Variants in CAPN2 observed in about 807,000 individuals in gnomAD.
CAPN2 encodes the protein calpain 2, also known as calpain-2 catalytic subunit.
Under a neutral mutation model 102.3 loss-of-function variants are expected in CAPN2, and 92 were observed. The ratio of observed to expected loss-of-function variants is 0.90; its 90% confidence interval spans 0.76 to 1.07. CAPN2 has a LOEUF of 1.07. Ranked by LOEUF, CAPN2 falls within the 50% of genes least tolerant of loss-of-function variation. CAPN2 has a pLI of 0.00. For missense variants in CAPN2, 800 were observed against 909.4 expected (o/e 0.88, Z 1.55); for synonymous variants, 340 against 355.4 (o/e 0.96, Z 0.49).
Position 223,727,051 on chromosome 1 carries a change from C to T in CAPN2, c.307+9220C>T, listed in dbSNP as rs1190708202. Reference sequence around the variant, plus strand: ...CCCACAGCTGCCTGAAAATGTGGCTCTCCGCCTTCTTGGGCTGCCTAGGAC... The same window carrying T: ...CCCACAGCTGCCTGAAAATGTGGCTTTCCGCCTTCTTGGGCTGCCTAGGAC... On this transcript the variant is annotated intron_variant, in intron 2 of 20. Coordinates refer to ENST00000295006, the MANE Select transcript of CAPN2 (RefSeq NM_001748.5). The surrounding 1 kb of genome is among the most constrained non-coding windows in gnomAD (Gnocchi z 4.1). 1.3e-5 allele frequency among the ~76,000 whole-genome samples: 2 copies of T among 152,200 alleles called. No homozygotes were observed. The highest frequency in any genetic ancestry group is 3.9e-4 in the East Asian group (2 of 5,188).
chr1:223,749,642 T>C (rs1161255908), intron 6 of CAPN2, among the ~76,000 whole-genome samples: 1 of 152,196 alleles, frequency 6.6e-6, no homozygotes, highest in East Asian at 1.9e-4. Context: ...CAAGTTAATA[T>C]ATGTAAAGTG....
intron 2 of CAPN2, among the ~76,000 whole-genome samples, chr1:223,736,334 G>C (rs908440472): frequency 6.6e-6 from 1 of 152,184 alleles, no homozygotes; most frequent in African/African-American, 2.4e-5. Context: ...AACCCCAGGA[G>C]GATGGCATCG....
In CAPN2 at chr1:223,772,189, A is replaced by C. The variant is rs2230082; in HGVS notation, c.2029A>C (p.Lys677Gln). The change falls in exon 20 of 21, where the codon AAG becomes CAG. Residue 677 changes from lysine to glutamine, a missense_variant. By Grantham distance (53) the Lys-to-Gln change is moderately conservative. Transcript: ENST00000295006. ...TTTTTCTCCCTCCACAGAGATATTTAAGCAGCTGGATCCCGAGAATACTGG... is the reference window on the plus strand; with the variant it reads ...TTTTTCTCCCTCCACAGAGATATTTCAGCAGCTGGATCCCGAGAATACTGG... ...VRLETLFKIF[K>Q]QLDPENTGTI... 6,447 of 1,613,984 alleles carry C rather than the reference A, an allele frequency of 4.0e-3. 206 individuals are homozygous for C. In the African/African-American group the frequency reaches 0.075, roughly 19 times the overall value.
rs1659625674 is a variant in CAPN2 at position 223,707,075 on chromosome 1, A to C, written c.3+5244A>C. 2.2e-5 allele frequency among the ~76,000 whole-genome samples: 3 copies of C among 135,922 alleles called. No individual in the cohort carries two copies. The South Asian group carries it at 7.3e-4, about 33-fold the overall frequency. 89.2% of individuals were successfully genotyped at this position (135,922 alleles called of 152,430 possible). ...AGCCTGGGTGACAGAGTGAGACTCC[A>C]CCTCAAAAAAAAAAAAAAAAAAATC... On this transcript the variant is annotated intron_variant, in intron 1 of 20. Coordinates refer to the CAPN2 transcript ENST00000433674.
At position 223,745,455 on chromosome 1, in the gene CAPN2, C is replaced by A. The variant is rs954992105; in HGVS notation, c.560+16C>A. 1.2e-6 allele frequency: 2 copies of A among 1,613,908 alleles called. No individual in the cohort carries two copies. Among genetic ancestry groups the A allele is most frequent in the African/African-American group, 2.7e-5 (2 of 74,934 alleles). The stretch of plus-strand genomic sequence containing the variant: ...CATACGCCAAGTAAGTTGCCATCCT[C>A]CCCTGGCCCCATGGCCTTCCCCCAA... On this transcript the variant is annotated intron_variant, in intron 4 of 20. Coordinates refer to ENST00000295006, the MANE Select transcript of CAPN2 (RefSeq NM_001748.5).
At chr1:223,712,528 G>C, upstream of CAPN2, 1 of 1,230,364 alleles carries the variant, frequency 8.1e-7, no homozygotes, top group African/African-American at 1.6e-5. Context: ...GCTCGCAGCG[G>C]CGGCGCCCGC....
At chr1:223,713,730 C>T (rs1465793096) in intron 1 of CAPN2, among the ~76,000 whole-genome samples, 3 of 152,224 alleles carry the variant, frequency 2.0e-5, no homozygotes, top group Admixed American at 2.0e-4. Context: ...GCTTCCAGCT[C>T]TGCTTCCACA....
chr1:223,763,047 C>T (rs891882355), intron 14 of CAPN2, among the ~76,000 whole-genome samples: 4 of 151,672 alleles, frequency 2.6e-5, no homozygotes, highest in Non-Finnish European at 5.9e-5. Flanking sequence ...GGTCTTAAAC[C>T]CCTGAGCTCA....
intron 2 of CAPN2, among the ~76,000 whole-genome samples, chr1:223,737,395 T>G (rs919379840): frequency 1.3e-5 from 2 of 152,034 alleles, no homozygotes; most frequent in Non-Finnish European, 2.9e-5. Context: ...CTGCCGTTAG[T>G]AATAAACATG....
At chr1:223,706,281 C>A (rs1412945130) in intron 1 of CAPN2, among the ~76,000 whole-genome samples, 2 of 152,172 alleles carry the variant, frequency 1.3e-5, no homozygotes, top group Non-Finnish European at 2.9e-5. Context: ...GGAATCCCTC[C>A]AGAAGCCCCC....
chr1:223,742,778 C>T (rs1357368115), intron 2 of CAPN2, among the ~76,000 whole-genome samples: 3 of 152,124 alleles, frequency 2.0e-5, no homozygotes, highest in African/African-American at 7.2e-5. Flanking sequence ...ACCTTGGCCT[C>T]CCAAAGTGTT....
At chr1:223,741,436 A>AATAATG (rs1553254330) in intron 2 of CAPN2, among the ~76,000 whole-genome samples, 1 of 124,278 alleles carries the variant, frequency 8.0e-6, no homozygotes, top group Non-Finnish European at 1.5e-5. Context: ...TATATATATA[A>AATAATG]TGTGTATATA....
At position 223,756,564 on chromosome 1, in the gene CAPN2, G is replaced by C. The variant is rs1483580845; in HGVS notation, c.1306-805G>C. On this transcript the variant is annotated intron_variant, in intron 10 of 20. Coordinates refer to ENST00000295006, the MANE Select transcript of CAPN2 (RefSeq NM_001748.5). This position sits in a 1 kb window ranked among gnomAD's most constrained non-coding sequence, Gnocchi z 4.1. ...TCAGAGCTTCCACCCTCTCCCAAGA[G>C]CCAGTTTCCCAGCACACCCCTGGGA... is the stretch of plus-strand genomic sequence containing the variant. Among the ~76,000 whole-genome samples, 1 of 152,164 alleles carries C rather than the reference G, an allele frequency of 6.6e-6. No individual in the cohort carries two copies. Among genetic ancestry groups the C allele is most frequent in the Non-Finnish European group, 1.5e-5 (1 of 68,034 alleles).
chr1:223,718,426 G>A (rs1659940640), intron 2 of CAPN2, among the ~76,000 whole-genome samples: 1 of 152,226 alleles, frequency 6.6e-6, no homozygotes, highest in African/African-American at 2.4e-5. Context: ...CTTGCTTTCT[G>A]GAGCCGAGTT....
rs937768042 is a variant in CAPN2 at position 223,712,958 on chromosome 1, C to T, written c.237+81C>T. ...CAGGCCGGCCCGCGGCGCGCTGGGG[C>T]GGGGGGCAGCCCGGGTGCTGCAGTG... is the stretch of plus-strand genomic sequence containing the variant. On this transcript the variant is annotated intron_variant, in intron 1 of 20. Coordinates refer to ENST00000295006, the MANE Select transcript of CAPN2 (RefSeq NM_001748.5). 251 of 1,047,830 alleles carry T rather than the reference C, an allele frequency of 2.4e-4. 1 individual carries two copies. The Middle Eastern group carries it at 4.6e-3, about 19-fold the overall frequency. The allele number at this position is 1,047,830 out of a possible 1,614,324, so 64.9% of individuals were successfully genotyped here. A position where few individuals can be genotyped will look rare whatever the true frequency, so the allele number is the denominator to read the frequency against.
In CAPN2 at chr1:223,737,716, G is replaced by C. The variant is rs1299209075; in HGVS notation, c.308-6384G>C. On this transcript the variant is annotated intron_variant, in intron 2 of 20. Transcript: ENST00000295006. ...ACCAAAAGAGACGGGGCGGGGGGTG[G>C]GGGGGAGAGAATACAATAACACCAT... Among the ~76,000 whole-genome samples, 26 of 28,206 alleles carry C rather than the reference G, an allele frequency of 9.2e-4. 4 individuals carry two copies. Among genetic ancestry groups the C allele is most frequent in the African/African-American group, 1.7e-3 (19 of 11,062 alleles). 18.5% of individuals were successfully genotyped at this position (28,206 alleles called of 152,430 possible).
chr1:223,774,755 G>C (rs1419926426), intron 20 of CAPN2, 79 bp from the exon 21 acceptor site: 6 of 1,320,400 alleles, frequency 4.5e-6, no homozygotes, highest in Non-Finnish European at 5.4e-6. Context: ...AAGTTTTTTG[G>C]AACAATCTAC....
chr1:223,749,451 A>G (rs1227150676), intron 6 of CAPN2: 1 of 423,170 alleles, frequency 2.4e-6, no homozygotes, highest in African/African-American at 2.1e-5. Context: ...ATAGTGTTTT[A>G]TACTCTATAA....
At chr1:223,764,900 T>TATTTCTTAAGCA (rs1244110988) in intron 15 of CAPN2, among the ~76,000 whole-genome samples, 1 of 152,162 alleles carries the variant, frequency 6.6e-6, no homozygotes, top group Non-Finnish European at 1.5e-5. Context: ...ATCTTGTAAC[T>TATTTCTTAAGCA]AACTATTTCT....
Sources: gnomAD v4.1 joint callset for allele counts (sites outside exome capture counted in the v4.1 genomes callset) on GRCh38, gnomAD v4.1.1 for gene constraint, Gnocchi (gnomAD v3.1) non-coding constraint, MANE v1.5 for transcripts, NCBI Gene and HGNC (gene_info 2026-07-23, HGNC 2026-07-21) for gene names.